The following SH2B1 variants were observed in gnomAD, a reference collection of about 807,000 sequenced individuals.
SH2B1 encodes SH2B adapter protein 1.
A neutral mutation model predicts 62.6 loss-of-function variants in SH2B1; 15 were observed. The observed-to-expected ratio is 0.24, with a 90% CI of 0.16 to 0.37. SH2B1 has a LOEUF of 0.37. SH2B1 is among the 10% of genes least tolerant of loss of function. SH2B1 has a pLI of 1.00. For synonymous variants in SH2B1, 443 were observed against 438.0 expected (o/e 1.01, Z -0.14); for missense variants, 925 against 1,015.6 (o/e 0.91, Z 1.21).
At position 28,873,304 on chromosome 16, in the gene SH2B1, T is replaced by A; in HGVS notation, c.1898-143T>A. On this transcript the variant is annotated intron_variant, in intron 7 of 7. Coordinates refer to ENST00000684370, the MANE Select transcript of SH2B1 (RefSeq NM_001387430.1). This position sits in a 1 kb window ranked among gnomAD's most constrained non-coding sequence, Gnocchi z 4.2. ...GTCCTCCTCTCACCACCGCCCATGA[T>A]CCATCTTCCATGGATGGGGGGTTGC... The A allele has an allele frequency of 6.3e-7, 1 of 1,595,916 alleles. No homozygotes were observed. The highest frequency in any genetic ancestry group is 8.5e-7 in the Non-Finnish European group (1 of 1,169,872).
intron 1 of SH2B1, among the ~76,000 whole-genome samples, chr16:28,851,563 G>A (rs963017452): frequency 2.0e-4 from 25 of 126,516 alleles, no homozygotes; most frequent in Non-Finnish European, 3.6e-4. Flanking sequence ...GGGTTAAAGC[G>A]ATTCTCCTCC....
In SH2B1 at chr16:28,865,276, C is replaced by G. The variant is rs1340312315; in HGVS notation, c.-819C>G. The G allele has an allele frequency of 1.0e-5, 10 of 985,574 alleles. No individual in the cohort carries two copies. Among genetic ancestry groups the G allele is most frequent in the Admixed American group, 1.2e-4 (2 of 16,274 alleles). The allele number at this position is 985,574 out of a possible 1,614,324, so 61.1% of individuals were successfully genotyped here. On this transcript the variant is annotated 5_prime_UTR_variant, in exon 1 of 8. Transcript: ENST00000684370. Reference sequence around the variant, plus strand: ...GGGATACCAAAGAAGTGGGCTGTAGCTATTTCACATCTCCTTCACGCAGTG... The same window carrying G: ...GGGATACCAAAGAAGTGGGCTGTAGGTATTTCACATCTCCTTCACGCAGTG...
In SH2B1 at chr16:28,865,418, G is replaced by A; in HGVS notation, c.-677G>A. On this transcript the variant is annotated 5_prime_UTR_variant, in exon 1 of 8. Transcript: ENST00000684370. ...AAGAGTTGGACCCTAAGATGCGTGA[G>A]GCAGGCTCTCTAAGGTCTAGAATCC... The A allele has an allele frequency of 1.0e-6, 1 of 985,632 alleles. No homozygotes were observed. The highest frequency in any genetic ancestry group is 1.2e-6 in the Non-Finnish European group (1 of 829,970). The allele number at this position is 985,632 out of a possible 1,614,324, so 61.1% of individuals were successfully genotyped here. A position where few individuals can be genotyped will look rare whatever the true frequency, so the allele number is the denominator to read the frequency against.
At chr16:28,867,860 GCT>G (rs1962810317) in intron 2 of SH2B1, among the ~76,000 whole-genome samples, 1 of 152,188 alleles carries the variant, frequency 6.6e-6, no homozygotes, top group South Asian at 2.1e-4. Flanking sequence ...ATAGAGCCTT[GCT>G]CTGCCGCACA....
chr16:28,864,313 T>C lies in SH2B1; in HGVS notation c.-1782T>C. 8 of 993,576 alleles carry C rather than the reference T, an allele frequency of 8.1e-6. No homozygotes were observed. Among genetic ancestry groups the C allele is most frequent in the Non-Finnish European group, 9.6e-6 (8 of 834,766 alleles). The allele number at this position is 993,576 out of a possible 1,614,324, so 61.5% of individuals were successfully genotyped here. ...GAGTCCTGCTTGGCAGAAGAGAAAC[T>C]GAGTCACCAGCTTAGGAGTCGCAGG... On this transcript the variant is annotated 5_prime_UTR_variant, in exon 1 of 8. An upstream open reading frame in the 5' UTR loses its in-frame stop. Transcript: ENST00000684370.
At chr16:28,848,996 A>T (rs1962043089) in intron 1 of SH2B1, among the ~76,000 whole-genome samples, 1 of 151,724 alleles carries the variant, frequency 6.6e-6, no homozygotes. Flanking sequence ...TTTAACTCTC[A>T]TTTTACTGCT....
At chr16:28,867,277 A>T in intron 1 of SH2B1, 54 bp from the exon 2 acceptor site, 1 of 1,411,898 alleles carries the variant, frequency 7.1e-7, no homozygotes, top group Non-Finnish European at 1.0e-6. Flanking sequence ...GAGGGAGGGG[A>T]AGAGTGGTCT....
rs550314573 is a variant in SH2B1, at chr16:28,866,274, C to T, written c.180C>T (p.Ala60=). 129 of 1,610,256 alleles carry T rather than the reference C, an allele frequency of 8.0e-5. 1 individual carries two copies. The South Asian group carries it at 1.1e-3, about 14-fold the overall frequency. Residue 60 remains alanine, a synonymous_variant, in exon 1 of 8, where the codon GCC becomes GCT. Transcript: ENST00000684370. This position sits in a 1 kb window ranked among gnomAD's most constrained non-coding sequence, Gnocchi z 6.3. ...ASHPQYAGPG[A]EAAFSRRFAE... ...ACCCCCAATATGCGGGGCCCGGGGC[C>T]GAGGCTGCCTTCTCCCGCCGTTTTG...
At position 28,865,820 on chromosome 16, in the gene SH2B1, C is replaced by T. The variant is rs1170532731; in HGVS notation, c.-275C>T. The T allele has an allele frequency of 4.8e-6, 6 of 1,245,404 alleles. No homozygotes were observed. The highest frequency in any genetic ancestry group is 6.0e-6 in the Non-Finnish European group (6 of 993,562). The allele number at this position is 1,245,404 out of a possible 1,614,324, so 77.1% of individuals were successfully genotyped here. A position where few individuals can be genotyped will look rare whatever the true frequency, so the allele number is the denominator to read the frequency against. ...TGGCAGGCTCGGGGCAGGTTAGACG[C>T]TGGGGAGCCAGTTGGCTGGGGCCTG... On this transcript the variant is annotated 5_prime_UTR_variant, in exon 1 of 8. Transcript: ENST00000684370.
At position 28,866,336 on chromosome 16, in the gene SH2B1, C is replaced by T. The variant is rs1226933940; in HGVS notation, c.242C>T (p.Ala81Val). The change falls in exon 1 of 8, where the codon GCC becomes GTC. Residue 81 changes from alanine to valine, a missense_variant. Transcript: ENST00000684370. The surrounding 1 kb of genome is among the most constrained non-coding windows in gnomAD (Gnocchi z 6.3). ...CTGCAGCACTTTGAAGCCGAGGTGG[C>T]CCGGGCCTCTGGCTCCCTGTCGCCA... ...LFLQHFEAEV[A>V]RASGSLSPPI... is the part of the protein sequence containing the mutation. The T allele has an allele frequency of 1.2e-6, 2 of 1,612,410 alleles. No individual in the cohort carries two copies. The highest frequency in any genetic ancestry group is 2.2e-5 in the East Asian group (1 of 44,854).
At chr16:28,847,625 C>G (rs1962006751) in intron 1 of SH2B1, among the ~76,000 whole-genome samples, 1 of 151,712 alleles carries the variant, frequency 6.6e-6, no homozygotes, top group African/African-American at 2.4e-5. Flanking sequence ...CAAGACCAGC[C>G]TGGGCAGATT....
In SH2B1 at chr16:28,866,543, A is replaced by G. The variant is rs141195883; in HGVS notation, c.449A>G (p.Lys150Arg). ...ACAACCTCCTCCAAGCCGAAGCTCA[A>G]GAAGCGCTTTTCCCTGCGTTCAGTG... is the stretch of plus-strand genomic sequence containing the variant. ...SSTTSSKPKL[K>R]KRFSLRSVGR... is the part of the protein sequence containing the mutation. The change falls in exon 1 of 8, where the codon AAG becomes AGG. Residue 150 changes from lysine to arginine, a missense_variant. This residue lies in a region of SH2B1 where 683 missense variants were observed against 704.0 expected (regional missense o/e 0.97). Coordinates refer to ENST00000684370, the MANE Select transcript of SH2B1 (RefSeq NM_001387430.1). The surrounding 1 kb of genome is among the most constrained non-coding windows in gnomAD (Gnocchi z 6.3). 1.0e-4 allele frequency: 161 copies of G among 1,613,932 alleles called. No homozygotes were observed. The highest frequency in any genetic ancestry group is 1.6e-4 in the Middle Eastern group (1 of 6,084).
rs747623075 is a variant in SH2B1, at chr16:28,873,431, T to TA, written c.1898-15dup. 5 of 1,575,038 alleles carry TA rather than the reference T, an allele frequency of 3.2e-6. 1 individual carries two copies. In the South Asian group the frequency reaches 5.7e-5, roughly 18 times the overall value. ...TGCCTCCACAATCAGTCTGTTTTCT[T>TA]ACCATTCCTATCCAGAACCGACCAC... On this transcript the variant is annotated splice_polypyrimidine_tract_variant and intron_variant, in intron 7 of 7. Transcript: ENST00000684370. The surrounding 1 kb of genome is among the most constrained non-coding windows in gnomAD (Gnocchi z 4.2).
chr16:28,865,067 G>C lies in SH2B1; in HGVS notation c.-1028G>C, dbSNP rs1467832614. On this transcript the variant is annotated 5_prime_UTR_variant, in exon 1 of 8. An upstream start codon of the reference 5' UTR is lost. Coordinates refer to ENST00000684370, the MANE Select transcript of SH2B1 (RefSeq NM_001387430.1). ...GAGCCCTGGTCTGACTCAAGTCCAT[G>C]GCCTTAACCAGAAGGCTAACCTGCC... 2 of 985,228 alleles carry C rather than the reference G, an allele frequency of 2.0e-6. No homozygotes were observed. The highest frequency in any genetic ancestry group is 1.7e-5 in the African/African-American group (1 of 57,240). The allele number at this position is 985,228 out of a possible 1,614,324, so 61.0% of individuals were successfully genotyped here. A position where few individuals can be genotyped will look rare whatever the true frequency, so the allele number is the denominator to read the frequency against.
chr16:28,851,042 C>T (rs1172985337), intron 1 of SH2B1, among the ~76,000 whole-genome samples: 4 of 150,842 alleles, frequency 2.7e-5, no homozygotes, highest in African/African-American at 9.8e-5. Flanking sequence ...GGCATGGTGG[C>T]GCTTGCCTGT....
rs369173659 is a variant in SH2B1 at position 28,871,914 on chromosome 16, C to A, written c.1444C>A (p.Pro482Thr). Residue 482 changes from proline to threonine, a missense_variant, in exon 5 of 8, where the codon CCC becomes ACC. By Grantham distance (38) the Pro-to-Thr change is conservative. This residue lies in a region of SH2B1 where 683 missense variants were observed against 704.0 expected (regional missense o/e 0.97). Transcript: ENST00000684370. ...CCCCCGCATCCCCATTGAAGAGGGACCCCCAACAGGGACAGTTCATCCCCT... is the reference window on the plus strand; with the variant it reads ...CCCCCGCATCCCCATTGAAGAGGGAACCCCAACAGGGACAGTTCATCCCCT... ...LPPRIPIEEG[P>T]PTGTVHPLSA... is the part of the protein sequence containing the mutation. The A allele has an allele frequency of 1.3e-6, 2 of 1,571,462 alleles. No homozygotes were observed. Among genetic ancestry groups the A allele is most frequent in the East Asian group, 2.3e-5 (1 of 43,552 alleles).
intron 1 of SH2B1, among the ~76,000 whole-genome samples, chr16:28,848,191 C>A (rs1962026964): frequency 6.6e-6 from 1 of 151,806 alleles, no homozygotes; most frequent in South Asian, 2.1e-4. Context: ...GTAATCCTAG[C>A]ACTTTGGGAG....
rs984282501 is a variant in SH2B1 at position 28,864,075 on chromosome 16, G to A, written c.-2020G>A. The A allele has an allele frequency of 6.7e-6, 9 of 1,337,130 alleles. No homozygotes were observed. Among genetic ancestry groups the A allele is most frequent in the Admixed American group, 3.2e-5 (1 of 31,220 alleles). The allele number at this position is 1,337,130 out of a possible 1,614,324, so 82.8% of individuals were successfully genotyped here. Reference sequence around the variant, plus strand: ...GGGGGCTGGAGAGGCACTCGGCCCCGGAGAGTGCAGCAGACAGGGCTGGTC... The same window carrying A: ...GGGGGCTGGAGAGGCACTCGGCCCCAGAGAGTGCAGCAGACAGGGCTGGTC... On this transcript the variant is annotated 5_prime_UTR_variant, in exon 1 of 8. Transcript: ENST00000684370.
In SH2B1 at chr16:28,866,441, C is replaced by T. The variant is rs1962701357; in HGVS notation, c.347C>T (p.Pro116Leu). Reference sequence around the variant, plus strand: ...CTTGAGAGCTGCAGGGTGGGTGGGCCCCTGGCTGTGCTGGGCCCTTCTCGA... The same window carrying T: ...CTTGAGAGCTGCAGGGTGGGTGGGCTCCTGGCTGTGCTGGGCCCTTCTCGA... ...LSLESCRVGGPLAVLGPSRSS... is the reference protein window; with the variant it reads ...LSLESCRVGGLLAVLGPSRSS... Residue 116 changes from proline to leucine, a missense_variant, in exon 1 of 8, where the codon CCC becomes CTC. Physicochemically the swap from Pro to Leu is moderately conservative, Grantham distance 98 (BLOSUM62 -3). Transcript: ENST00000684370. The surrounding 1 kb of genome is among the most constrained non-coding windows in gnomAD (Gnocchi z 6.3). 5 of 1,613,960 alleles carry T rather than the reference C, an allele frequency of 3.1e-6. No homozygotes were observed. The highest frequency in any genetic ancestry group is 1.1e-5 in the South Asian group (1 of 91,084).
Sources: gnomAD v4.1 joint callset for allele counts (sites outside exome capture counted in the v4.1 genomes callset) on GRCh38, gnomAD v4.1.1 for gene constraint, gnomAD v4.1.1 regional missense constraint, Gnocchi (gnomAD v3.1) non-coding constraint, MANE v1.5 for transcripts, NCBI Gene and HGNC (gene_info 2026-07-23, HGNC 2026-07-21) for gene names.